Variants in PPP2R5C observed in about 807,000 individuals in gnomAD.
The protein encoded by PPP2R5C is serine/threonine-protein phosphatase 2A 56 kDa regulatory subunit gamma isoform.
In PPP2R5C, 7 loss-of-function variants were observed where a neutral mutation model predicts 68.9. The ratio of observed to expected loss-of-function variants is 0.10; its 90% confidence interval spans 0.06 to 0.19. The LOEUF (loss-of-function observed/expected upper bound fraction) is 0.19, where lower values mean the gene tolerates loss of function less well. PPP2R5C is among the 10% of genes least tolerant of loss of function. PPP2R5C has a pLI of 1.00. For missense variants in PPP2R5C, 348 were observed against 641.3 expected (o/e 0.54, Z 4.94); for synonymous variants, 210 against 222.2 (o/e 0.95, Z 0.49).
chr14:101,816,727 A>C, intron 1 of PPP2R5C, among the ~76,000 whole-genome samples: 1 of 151,706 alleles, frequency 6.6e-6, no homozygotes, highest in South Asian at 2.1e-4. Flanking sequence ...TAAAGAGAAA[A>C]GTGGGTAAAA....
chr14:101,762,929 G>A (rs766593390), exon 2 of PPP2R5C: 8 of 1,584,266 alleles, frequency 5.0e-6, no homozygotes, highest in Non-Finnish European at 6.9e-6. Flanking sequence ...AGGGAAGAGT[G>A]GAAAAAGTTC....
intron 1 of PPP2R5C, chr14:101,824,170 G>C (rs2140291148): frequency 7.9e-7 from 1 of 1,267,404 alleles, no homozygotes; most frequent in South Asian, 1.3e-5. Flanking sequence ...TATTTTCGTG[G>C]TAAACGTAAA....
chr14:101,910,614 C>G (rs552396706), intron 11 of PPP2R5C, among the ~76,000 whole-genome samples: 1 of 152,196 alleles, frequency 6.6e-6, no homozygotes, highest in African/African-American at 2.4e-5. Context: ...GGGTGGATCA[C>G]AAGGTCAGGA....
chr14:101,912,248 A>T (rs999937800), intron 11 of PPP2R5C, among the ~76,000 whole-genome samples, 153 bp from the exon 14 acceptor site: 2 of 152,194 alleles, frequency 1.3e-5, no homozygotes, highest in African/African-American at 2.4e-5. Flanking sequence ...TTCGTTTTTC[A>T]TGCTGTGCTC....
chr14:101,803,190 CAG>C (rs991555974), intron 3 of PPP2R5C: 1 of 152,136 alleles, frequency 6.6e-6, no homozygotes, highest in African/African-American at 2.4e-5. Flanking sequence ...GCCTGGGTGA[CAG>C]AGCAAGACCC....
intron 2 of PPP2R5C, among the ~76,000 whole-genome samples, chr14:101,764,030 G>GTGTGC (rs1462659583): frequency 9.6e-5 from 14 of 146,148 alleles, no homozygotes; most frequent in African/African-American, 3.3e-4. Context: ...TGTGTGTGTG[G>GTGTGC]GCGCGCGCAC....
intron 1 of PPP2R5C, among the ~76,000 whole-genome samples, chr14:101,851,565 C>A (rs529867073): frequency 6.6e-6 from 1 of 152,272 alleles, no homozygotes; most frequent in South Asian, 2.1e-4. Context: ...GAGTACTTCC[C>A]ACCCTTGTGA....
intron 1 of PPP2R5C, among the ~76,000 whole-genome samples, chr14:101,815,039 T>C (rs901559898): frequency 1.3e-5 from 2 of 152,192 alleles, no homozygotes; most frequent in African/African-American, 2.4e-5. Context: ...CAGCATACGT[T>C]GAGTGCCTTC....
At chr14:101,804,134 T>C (rs759494279) in intron 3 of PPP2R5C, among the ~76,000 whole-genome samples, 4 of 152,198 alleles carry the variant, frequency 2.6e-5, no homozygotes, top group African/African-American at 7.2e-5. Flanking sequence ...CTCAACATCA[T>C]TGATCATTAG....
At position 101,891,745 on chromosome 14, in the gene PPP2R5C, G is replaced by A. The variant is rs143151311; in HGVS notation, c.690-1255G>A. On this transcript the variant is annotated intron_variant, in intron 6 of 13. Transcript: ENST00000334743. This position sits in a 1 kb window ranked among gnomAD's most constrained non-coding sequence, Gnocchi z 4.9. ...GGGCCGCTCCAGGCTCGCCCTTCCC[G>A]CATTGTCCGCTGTGCCGCGCAGAGT... Among the ~76,000 whole-genome samples, 372 of 152,310 alleles carry A rather than the reference G, an allele frequency of 2.4e-3. 6 individuals carry two copies. Among genetic ancestry groups the A allele is most frequent in the East Asian group, 0.016 (84 of 5,180 alleles).
chr14:101,849,236 G>A (rs952713997), intron 1 of PPP2R5C, among the ~76,000 whole-genome samples: 8 of 152,186 alleles, frequency 5.3e-5, no homozygotes, highest in African/African-American at 1.7e-4. Context: ...TGTGATGGAC[G>A]TGTATGTGAG....
At chr14:101,827,367 A>T (rs1308346295) in intron 1 of PPP2R5C, among the ~76,000 whole-genome samples, 1 of 152,116 alleles carries the variant, frequency 6.6e-6, no homozygotes, top group Non-Finnish European at 1.5e-5. Flanking sequence ...CACCCTCCAG[A>T]ATGCATACCC....
rs1336874506 is a variant in PPP2R5C, at chr14:101,925,123, T to C, written c.1444-18T>C. On this transcript the variant is annotated intron_variant, in intron 13 of 13. Transcript: ENST00000334743. ...ATAGCTTAGTTTGTAGCCAACGCCATTGCATTTCTAATTCCAGGCACAGAA... is the reference window on the plus strand; with the variant it reads ...ATAGCTTAGTTTGTAGCCAACGCCACTGCATTTCTAATTCCAGGCACAGAA... The C allele has an allele frequency of 1.9e-6, 3 of 1,613,366 alleles. No individual in the cohort carries two copies. The highest frequency in any genetic ancestry group is 2.7e-5 in the African/African-American group (2 of 74,872).
rs2046775763 is a variant in PPP2R5C, at chr14:101,917,912, A to G, written c.1408A>G (p.Met470Val). The G allele has an allele frequency of 6.2e-7, 1 of 1,613,922 alleles. No homozygotes were observed. Among genetic ancestry groups the G allele is most frequent in the East Asian group, 2.2e-5 (1 of 44,890 alleles). The stretch of plus-strand genomic sequence containing the variant: ...TGGGCCTTTATTTGAAGATGTGCAG[A>G]TGCTGAGAAAGACAGTGAAGGACGA... Residue 470 changes from methionine to valine, a missense_variant, in exon 13 of 14, where the codon ATG (methionine) becomes GTG (valine). Physicochemically the swap from Met to Val is conservative, Grantham distance 21 (BLOSUM62 1). Coordinates refer to ENST00000334743, the Ensembl canonical transcript of PPP2R5C. This position sits in a 1 kb window ranked among gnomAD's most constrained non-coding sequence, Gnocchi z 4.4.
At chr14:101,826,001 G>A (rs754173629) in intron 1 of PPP2R5C, among the ~76,000 whole-genome samples, 12 of 152,220 alleles carry the variant, frequency 7.9e-5, no homozygotes, top group Non-Finnish European at 2.9e-5. Context: ...ATGGTCAGAT[G>A]TGGCTATCAC....
rs1019784397 is a variant in PPP2R5C at position 101,781,971 on chromosome 14, C to T, written c.94-4047C>T. Among the ~76,000 whole-genome samples, 1 of 151,642 alleles carries T rather than the reference C, an allele frequency of 6.6e-6. No individual in the cohort carries two copies. Among genetic ancestry groups the T allele is most frequent in the Admixed American group, 6.6e-5 (1 of 15,248 alleles). On this transcript the variant is annotated intron_variant, in intron 2 of 14. Coordinates refer to the PPP2R5C transcript ENST00000328724. This position sits in a 1 kb window ranked among gnomAD's most constrained non-coding sequence, Gnocchi z 6.4. The stretch of plus-strand genomic sequence containing the variant: ...TGGGCAGCTGCTCCCAAGGGAGCCC[C>T]TCGCCCTCTCTCTCTCCTTCCCTCA...
At chr14:101,842,573 T>A (rs1048426712) in intron 1 of PPP2R5C, among the ~76,000 whole-genome samples, 1 of 151,924 alleles carries the variant, frequency 6.6e-6, no homozygotes, top group African/African-American at 2.4e-5. Flanking sequence ...GAGCTGTGAG[T>A]CACCACCTGA....
chr14:101,924,632 G>A (rs1237385288), intron 13 of PPP2R5C, among the ~76,000 whole-genome samples: 2 of 151,334 alleles, frequency 1.3e-5, no homozygotes, highest in Non-Finnish European at 2.9e-5. Context: ...TAGTAGAGAC[G>A]GGGTTTCACT....
intron 13 of PPP2R5C, chr14:101,921,908 G>T: frequency 1.1e-6 from 1 of 885,774 alleles, no homozygotes; most frequent in South Asian, 5.2e-5. Context: ...AACATTCAAA[G>T]AAAACTAGCA....
Sources: gnomAD v4.1 joint callset for allele counts (sites outside exome capture counted in the v4.1 genomes callset) on GRCh38, gnomAD v4.1.1 for gene constraint, Gnocchi (gnomAD v3.1) non-coding constraint, MANE v1.5 for transcripts, NCBI Gene and HGNC (gene_info 2026-07-23, HGNC 2026-07-21) for gene names.